PBX3: variants seen among roughly 807,000 people sequenced by gnomAD.
PBX3 encodes the protein pre-B-cell leukemia transcription factor 3.
Under a neutral mutation model 48.5 loss-of-function variants are expected in PBX3, and 14 were observed. The ratio of observed to expected loss-of-function variants is 0.29; its 90% confidence interval spans 0.19 to 0.45. PBX3 has a LOEUF of 0.45. Among genes scored for constraint, PBX3 ranks in the 20% least tolerant of loss-of-function variants. PBX3 has a pLI of 1.00. For synonymous variants in PBX3, 210 were observed against 200.3 expected, an observed-to-expected ratio of 1.05 and a Z score of -0.41; for missense variants, 386 against 546.7, an observed-to-expected ratio of 0.71 and a Z score of 2.93.
chr9:125,778,668 G>A (rs1837149896), intron 2 of PBX3, among the ~76,000 whole-genome samples: 1 of 138,484 alleles, frequency 7.2e-6, no homozygotes. Context: ...TAACACCTGT[G>A]CTAGAAAGGC....
intron 5 of PBX3, among the ~76,000 whole-genome samples, chr9:125,955,238 G>A (rs569703357): frequency 2.0e-5 from 3 of 151,390 alleles, no homozygotes; most frequent in African/African-American, 7.3e-5. Context: ...GAGAACCTGC[G>A]AGCCCCCCTT....
chr9:125,798,942 T>A (rs1837861342), intron 2 of PBX3, among the ~76,000 whole-genome samples: 1 of 152,030 alleles, frequency 6.6e-6, no homozygotes, highest in Non-Finnish European at 1.5e-5. Context: ...TAATATTAAT[T>A]TTAAAAAATA....
chr9:125,946,724 AG>A (rs1842072259), intron 5 of PBX3, among the ~76,000 whole-genome samples: 1 of 152,180 alleles, frequency 6.6e-6, no homozygotes, highest in African/African-American at 2.4e-5. Flanking sequence ...GGAGACATAG[AG>A]GATACAGTAA....
intron 2 of PBX3, among the ~76,000 whole-genome samples, chr9:125,766,283 A>T (rs944031188): frequency 6.6e-6 from 1 of 152,140 alleles, no homozygotes; most frequent in Non-Finnish European, 1.5e-5. Context: ...TACATACAGT[A>T]TAAGAAAACT....
intron 2 of PBX3, among the ~76,000 whole-genome samples, chr9:125,847,667 T>G (rs949422435): frequency 6.6e-6 from 1 of 151,936 alleles, no homozygotes; most frequent in Non-Finnish European, 1.5e-5. Flanking sequence ...TTTTAACATT[T>G]TTTTCTTTAT....
chr9:125,817,124 A>G (rs907983399), intron 2 of PBX3, among the ~76,000 whole-genome samples: 2 of 152,206 alleles, frequency 1.3e-5, no homozygotes, highest in African/African-American at 2.4e-5. Flanking sequence ...GATAACCTCA[A>G]TAGAGTAAAG....
chr9:125,768,356 G>C (rs2131993971), intron 2 of PBX3, among the ~76,000 whole-genome samples: 1 of 152,112 alleles, frequency 6.6e-6, no homozygotes, highest in Admixed American at 6.5e-5. Flanking sequence ...CAAACTTTTT[G>C]ATCTTAGGAC....
chr9:125,866,504 A>G lies in PBX3; in HGVS notation c.275-49182A>G, dbSNP rs542925608. 8.5e-5 allele frequency among the ~76,000 whole-genome samples: 13 copies of G among 152,314 alleles called. No homozygotes were observed. In the South Asian group the frequency reaches 2.7e-3, roughly 32 times the overall value. On this transcript the variant is annotated intron_variant, in intron 2 of 8. Transcript: ENST00000373489. ...ACATTCTAGTGGAAAGAGAGGTAAC[A>G]TTATAGAACAGGTTAAAAAAGATGA...
chr9:125,952,309 C>T (rs553420843), intron 5 of PBX3, among the ~76,000 whole-genome samples: 2 of 152,190 alleles, frequency 1.3e-5, no homozygotes, highest in African/African-American at 2.4e-5. Flanking sequence ...CTCTCCCTGA[C>T]GCAGTTTATG....
intron 2 of PBX3, among the ~76,000 whole-genome samples, chr9:125,824,706 T>C (rs1388106068): frequency 6.7e-6 from 1 of 148,802 alleles, no homozygotes; most frequent in Admixed American, 6.7e-5. Context: ...ATGAATCAGT[T>C]GGCTTTTTTT....
At chr9:125,832,748 T>G (rs1839002393) in intron 2 of PBX3, among the ~76,000 whole-genome samples, 2 of 152,228 alleles carry the variant, frequency 1.3e-5, no homozygotes, top group African/African-American at 2.4e-5. Context: ...ATTTATTTGT[T>G]GGTGAGTTCT....
chr9:125,941,875 CAATTTTG>C (rs1189126961), intron 5 of PBX3, among the ~76,000 whole-genome samples: 1 of 152,148 alleles, frequency 6.6e-6, no homozygotes, highest in Non-Finnish European at 1.5e-5. Flanking sequence ...CTCCTAATTC[CAATTTTG>C]AATTTGAGTA....
chr9:125,913,983 G>C (rs1405158216), intron 2 of PBX3, among the ~76,000 whole-genome samples: 1 of 152,138 alleles, frequency 6.6e-6, no homozygotes, highest in Non-Finnish European at 1.5e-5. Flanking sequence ...TGAACTACAA[G>C]CATGTACAGG....
chr9:125,853,329 T>C (rs556638132), intron 2 of PBX3, among the ~76,000 whole-genome samples: 24 of 152,320 alleles, frequency 1.6e-4, no homozygotes, highest in African/African-American at 5.8e-4. Flanking sequence ...CTAGGAACGG[T>C]TGCCAAGAGG....
intron 5 of PBX3, among the ~76,000 whole-genome samples, chr9:125,954,719 A>T (rs1489821746): frequency 6.6e-6 from 1 of 152,140 alleles, no homozygotes; most frequent in Non-Finnish European, 1.5e-5. Context: ...GTATTTTAGT[A>T]GTAGAGACAA....
chr9:125,781,305 G>A (rs781601938), intron 2 of PBX3, among the ~76,000 whole-genome samples: 1 of 151,886 alleles, frequency 6.6e-6, no homozygotes, highest in Non-Finnish European at 1.5e-5. Flanking sequence ...ATCACTCGCT[G>A]TTAGGAGCTG....
chr9:125,868,126 C>T (rs550201431), intron 2 of PBX3, among the ~76,000 whole-genome samples: 6 of 151,602 alleles, frequency 4.0e-5, no homozygotes, highest in East Asian at 3.9e-4. Context: ...CTGGTCAACT[C>T]GGCCTTCCAA....
At chr9:125,748,848 C>T in intron 2 of PBX3, 1 of 362,944 alleles carries the variant, frequency 2.8e-6, no homozygotes, top group Non-Finnish European at 5.0e-6. Flanking sequence ...CGGGCTGGAT[C>T]GCCGTCCCTC....
chr9:125,935,085 C>G (rs1395368058), intron 4 of PBX3, among the ~76,000 whole-genome samples: 1 of 152,108 alleles, frequency 6.6e-6, no homozygotes, highest in African/African-American at 2.4e-5. Flanking sequence ...TTTACGGTGC[C>G]CCAACCTGCT....
Sources: gnomAD v4.1 joint callset for allele counts (sites outside exome capture counted in the v4.1 genomes callset) on GRCh38, gnomAD v4.1.1 for gene constraint, MANE v1.5 for transcripts, NCBI Gene and HGNC (gene_info 2026-07-23, HGNC 2026-07-21) for gene names.